Variants in NRG3 observed in about 807,000 individuals in gnomAD.
NRG3 encodes the protein pro-neuregulin-3, membrane-bound isoform.
In NRG3, 31 loss-of-function variants were observed where a neutral mutation model predicts 66.9. The ratio of observed to expected loss-of-function variants is 0.46; its 90% CI spans 0.35 to 0.63. The LOEUF (loss-of-function observed/expected upper bound fraction) is 0.63, where lower values mean the gene tolerates loss of function less well. NRG3 is among the 20% of genes least tolerant of loss of function. NRG3 has a pLI of 0.00. For synonymous variants in NRG3, 393 were observed against 359.4 expected (o/e 1.09, Z -1.06); for missense variants, 910 against 878.9 (o/e 1.04, Z -0.45).
At chr10:82,455,658 A>G (rs1349546477) in intron 2 of NRG3, among the ~76,000 whole-genome samples, 2 of 145,864 alleles carry the variant, frequency 1.4e-5, no homozygotes, top group African/African-American at 5.1e-5. Flanking sequence ...TCTGTCGCCC[A>G]GGCTGGAGTG....
intron 2 of NRG3, among the ~76,000 whole-genome samples, chr10:82,461,051 A>C (rs1379151225): frequency 6.6e-6 from 1 of 152,070 alleles, no homozygotes; most frequent in Non-Finnish European, 1.5e-5. Context: ...TACCACCGTC[A>C]ACAATATCAG....
At chr10:82,136,943 G>A (rs1196888868) in intron 1 of NRG3, among the ~76,000 whole-genome samples, 1 of 152,202 alleles carries the variant, frequency 6.6e-6, no homozygotes, top group Non-Finnish European at 1.5e-5. Flanking sequence ...TGAGAGAGGG[G>A]TAACGTAGGC....
chr10:82,891,773 GTCTC>G (rs1257797593), intron 4 of NRG3, among the ~76,000 whole-genome samples: 8 of 151,486 alleles, frequency 5.3e-5, no homozygotes, highest in African/African-American at 9.7e-5. Context: ...TTTTCTTAAT[GTCTC>G]TCTGTCTGGG....
chr10:82,264,724 T>A (rs1476690202), intron 1 of NRG3, among the ~76,000 whole-genome samples: 1 of 151,942 alleles, frequency 6.6e-6, no homozygotes, highest in Non-Finnish European at 1.5e-5. Context: ...AATGAGGACA[T>A]CCTAATGGCC....
chr10:82,233,453 T>C (rs1287998686), intron 1 of NRG3, among the ~76,000 whole-genome samples: 1 of 152,178 alleles, frequency 6.6e-6, no homozygotes, highest in Non-Finnish European at 1.5e-5. Flanking sequence ...TTCTAAGATA[T>C]CAAAACATCA....
chr10:82,795,355 G>A (rs1280091006), intron 3 of NRG3, among the ~76,000 whole-genome samples: 1 of 152,138 alleles, frequency 6.6e-6, no homozygotes, highest in Non-Finnish European at 1.5e-5. Flanking sequence ...ATTCATGACA[G>A]GATATGTGTT....
chr10:81,934,054 C>G (rs1428524423), intron 1 of NRG3, among the ~76,000 whole-genome samples: 1 of 152,142 alleles, frequency 6.6e-6, no homozygotes, highest in African/African-American at 2.4e-5. Flanking sequence ...ATTTCATGAG[C>G]TTTCAAGTCC....
intron 2 of NRG3, among the ~76,000 whole-genome samples, chr10:82,712,265 C>T (rs994458036): frequency 3.9e-5 from 6 of 152,054 alleles, no homozygotes; most frequent in Non-Finnish European, 7.4e-5. Context: ...AAAGATTATA[C>T]TAAGGTTAAA....
intron 1 of NRG3, among the ~76,000 whole-genome samples, chr10:82,320,740 G>C (rs1313679665): frequency 6.6e-6 from 1 of 152,144 alleles, no homozygotes; most frequent in Non-Finnish European, 1.5e-5. Flanking sequence ...GTAGAAGAGA[G>C]TGGTTCCCCA....
At chr10:81,992,876 G>A (rs2060795629) in intron 1 of NRG3, among the ~76,000 whole-genome samples, 1 of 152,180 alleles carries the variant, frequency 6.6e-6, no homozygotes, top group Admixed American at 6.5e-5. Flanking sequence ...GGTCAATAGT[G>A]TAGCCATCTT....
intron 4 of NRG3, among the ~76,000 whole-genome samples, chr10:82,944,606 T>A (rs1848842632): frequency 6.6e-6 from 1 of 152,212 alleles, no homozygotes; most frequent in African/African-American, 2.4e-5. Flanking sequence ...TCAATTTGAA[T>A]CTTTCCAACT....
chr10:82,360,325 C>T (rs1589845696), intron 2 of NRG3, among the ~76,000 whole-genome samples: 1 of 152,222 alleles, frequency 6.6e-6, no homozygotes, highest in East Asian at 1.9e-4. Context: ...GATGTGCATG[C>T]AAGCTCTTTT....
intron 1 of NRG3, among the ~76,000 whole-genome samples, chr10:82,263,015 G>T (rs900447013): frequency 1.3e-5 from 2 of 152,082 alleles, no homozygotes; most frequent in African/African-American, 4.8e-5. Context: ...ACACCAGTTA[G>T]GTCATGCATC....
chr10:82,750,980 C>T (rs974331860), intron 3 of NRG3, among the ~76,000 whole-genome samples: 4 of 152,056 alleles, frequency 2.6e-5, no homozygotes, highest in African/African-American at 9.7e-5. Context: ...AAAATCATTG[C>T]ATTAAGCAAA....
At chr10:82,444,787 A>G (rs986876837) in intron 2 of NRG3, among the ~76,000 whole-genome samples, 5 of 152,312 alleles carry the variant, frequency 3.3e-5, no homozygotes, top group African/African-American at 7.2e-5. Context: ...ATTTTCAGGT[A>G]TCTTGGCTCA....
intron 2 of NRG3, among the ~76,000 whole-genome samples, chr10:82,550,064 A>G (rs1984223): frequency 2.0e-5 from 3 of 152,140 alleles, no homozygotes; most frequent in Non-Finnish European, 4.4e-5. Flanking sequence ...ACCAGAATGC[A>G]AATGATCTGT....
At chr10:81,941,603 A>C (rs370996329) in intron 1 of NRG3, among the ~76,000 whole-genome samples, 14 of 152,120 alleles carry the variant, frequency 9.2e-5, no homozygotes, top group Admixed American at 5.3e-4. Flanking sequence ...TTATTTACAA[A>C]AGCTCTGTGA....
In NRG3 at chr10:82,132,456, T is replaced by TGAG. The variant is rs1221668085; in HGVS notation, c.824-226283_824-226282insGAG. Among the ~76,000 whole-genome samples, 16 of 134,264 alleles carry TGAG rather than the reference T, an allele frequency of 1.2e-4. 1 individual carries two copies. The highest frequency in any genetic ancestry group is 7.5e-3 in the Middle Eastern group (2 of 266). 88.1% of individuals were successfully genotyped at this position (134,264 alleles called of 152,430 possible). A position where few individuals can be genotyped will look rare whatever the true frequency, so the allele number is the denominator to read the frequency against. On this transcript the variant is annotated intron_variant, in intron 1 of 8. Coordinates refer to ENST00000372141, the MANE Select transcript of NRG3 (RefSeq NM_001010848.4). ...AGTTTGCTAATATCTTTTATATATA[T>TGAG]ATGATATATATGATATATATATGAT...
chr10:82,348,540 T>C (rs1412256609), intron 1 of NRG3, among the ~76,000 whole-genome samples: 5 of 148,704 alleles, frequency 3.4e-5, no homozygotes, highest in African/African-American at 1.0e-4. Flanking sequence ...CTGACAATTA[T>C]GTGTCTTGGA....
Sources: gnomAD v4.1 joint callset for allele counts (sites outside exome capture counted in the v4.1 genomes callset) on GRCh38, gnomAD v4.1.1 for gene constraint, MANE v1.5 for transcripts, NCBI Gene and HGNC (gene_info 2026-07-23, HGNC 2026-07-21) for gene names.